ZDHHC14: variants seen among roughly 807,000 people sequenced by gnomAD.
ZDHHC14 encodes the protein palmitoyltransferase ZDHHC14.
A neutral mutation model predicts 47.7 loss-of-function variants in ZDHHC14; 16 were observed. That is an observed-to-expected ratio of 0.34 (90% CI 0.23 to 0.51). ZDHHC14 has a LOEUF of 0.51. Among genes scored for constraint, ZDHHC14 ranks in the 20% least tolerant of loss-of-function variants. ZDHHC14 has a pLI of 0.97. For synonymous variants in ZDHHC14, 293 were observed against 278.9 expected, an observed-to-expected ratio of 1.05 and a Z score of -0.50; for missense variants, 515 against 662.5, an observed-to-expected ratio of 0.78 and a Z score of 2.44.
chr6:157,507,003 A>G (rs1780343261), intron 1 of ZDHHC14, among the ~76,000 whole-genome samples: 1 of 152,060 alleles, frequency 6.6e-6, no homozygotes, highest in South Asian at 2.1e-4. Context: ...ATCTCCTGTG[A>G]CCCTGCCCCC....
At chr6:157,453,763 T>C (rs1260019197) in intron 1 of ZDHHC14, among the ~76,000 whole-genome samples, 1 of 150,158 alleles carries the variant, frequency 6.7e-6, no homozygotes, top group East Asian at 2.0e-4. Flanking sequence ...ATTTTATTCA[T>C]TCTAAGGCCA....
At chr6:157,569,046 GT>G (rs930996523) in intron 2 of ZDHHC14, among the ~76,000 whole-genome samples, 1 of 151,640 alleles carries the variant, frequency 6.6e-6, no homozygotes, top group East Asian at 1.9e-4. Context: ...TTTTTATGAA[GT>G]TTTTTTGACA....
At chr6:157,457,787 A>G (rs1778962767) in intron 1 of ZDHHC14, among the ~76,000 whole-genome samples, 1 of 152,168 alleles carries the variant, frequency 6.6e-6, no homozygotes, top group Non-Finnish European at 1.5e-5. Context: ...TCCACTGGCC[A>G]CTGCCTGGCC....
intron 1 of ZDHHC14, among the ~76,000 whole-genome samples, chr6:157,423,403 CTT>C (rs527753480): frequency 2.0e-5 from 3 of 151,928 alleles, no homozygotes; most frequent in African/African-American, 7.3e-5. Flanking sequence ...AAGACCTAGA[CTT>C]TTTTTTCTTA....
chr6:157,620,686 T>C (rs1785153887), intron 3 of ZDHHC14, among the ~76,000 whole-genome samples: 1 of 152,084 alleles, frequency 6.6e-6, no homozygotes, highest in Non-Finnish European at 1.5e-5. Context: ...GCAGGTCCCA[T>C]TGTGGCCACA....
chr6:157,489,435 GTT>G (rs149802681), intron 1 of ZDHHC14, among the ~76,000 whole-genome samples: 5 of 147,292 alleles, frequency 3.4e-5, no homozygotes, highest in South Asian at 2.2e-4. Flanking sequence ...TCTTTCAGTT[GTT>G]TTTTTTTTTG....
At chr6:157,495,297 A>G (rs1160453878) in intron 1 of ZDHHC14, among the ~76,000 whole-genome samples, 1 of 152,156 alleles carries the variant, frequency 6.6e-6, no homozygotes, top group Admixed American at 6.5e-5. Flanking sequence ...AGTTTCTAGA[A>G]TACAAGCCTT....
chr6:157,614,767 GT>G (rs574446811), intron 3 of ZDHHC14, among the ~76,000 whole-genome samples: 6 of 141,528 alleles, frequency 4.2e-5, no homozygotes, highest in East Asian at 4.0e-4. Flanking sequence ...AACTCTTCAT[GT>G]TTTTTTTTTG....
chr6:157,605,471 G>C (rs1290128276), intron 3 of ZDHHC14, among the ~76,000 whole-genome samples: 1 of 152,160 alleles, frequency 6.6e-6, no homozygotes, highest in Non-Finnish European at 1.5e-5. Context: ...TACATTTGGA[G>C]GAAGTCTTCC....
intron 1 of ZDHHC14, among the ~76,000 whole-genome samples, chr6:157,511,498 A>G (rs1780482948): frequency 6.7e-6 from 1 of 149,514 alleles, no homozygotes; most frequent in South Asian, 2.1e-4. Flanking sequence ...CTCCTGCCTC[A>G]GCCTCCCGAG....
intron 2 of ZDHHC14, among the ~76,000 whole-genome samples, chr6:157,563,942 C>A (rs144084798): frequency 3.2e-3 from 493 of 152,324 alleles, no homozygotes; most frequent in African/African-American, 0.011. Flanking sequence ...CTGAGTGGCT[C>A]CCTAAGGGGG....
rs144866654 is a variant in ZDHHC14 at position 157,418,216 on chromosome 6, A to G, written c.245+35950A>G. On this transcript the variant is annotated intron_variant, in intron 1 of 8. Coordinates refer to ENST00000359775, the MANE Select transcript of ZDHHC14 (RefSeq NM_024630.3). ...TGTCTTATGGCCCATTCTCAAACCC[A>G]TCAGAGGTCAGGGTGGAGTGTGTGT... Among the ~76,000 whole-genome samples the G allele has an allele frequency of 1.7e-3, 254 of 152,264 alleles. 2 individuals carry two copies. Among genetic ancestry groups the G allele is most frequent in the African/African-American group, 5.9e-3 (245 of 41,548 alleles).
chr6:157,472,753 C>A (rs532010644), intron 1 of ZDHHC14, among the ~76,000 whole-genome samples: 2 of 152,166 alleles, frequency 1.3e-5, no homozygotes, highest in Admixed American at 6.5e-5. Context: ...GGGAGAGGCA[C>A]TTCTGTGGTC....
At chr6:157,624,932 C>T (rs1435883513) in intron 3 of ZDHHC14, among the ~76,000 whole-genome samples, 3 of 152,192 alleles carry the variant, frequency 2.0e-5, no homozygotes, top group Non-Finnish European at 2.9e-5. Flanking sequence ...TCCACGGCCA[C>T]GGGGCCTACA....
intron 1 of ZDHHC14, among the ~76,000 whole-genome samples, chr6:157,417,396 C>T (rs1275289083): frequency 5.8e-5 from 4 of 68,404 alleles, no homozygotes; most frequent in East Asian, 3.1e-4. Flanking sequence ...CAACTAATCA[C>T]GTATCGTGGA....
chr6:157,523,412 C>A (rs1444205606), intron 1 of ZDHHC14, among the ~76,000 whole-genome samples: 1 of 151,936 alleles, frequency 6.6e-6, no homozygotes, highest in Non-Finnish European at 1.5e-5. Flanking sequence ...TTTTGTGTAT[C>A]CTCTTGAGGG....
intron 2 of ZDHHC14, among the ~76,000 whole-genome samples, chr6:157,585,233 A>G (rs971168375): frequency 4.6e-5 from 7 of 152,032 alleles, no homozygotes; most frequent in African/African-American, 1.7e-4. Context: ...AAATAAATAT[A>G]CTGACTCATA....
chr6:157,411,505 A>C (rs372785294), intron 1 of ZDHHC14, among the ~76,000 whole-genome samples: 1 of 152,208 alleles, frequency 6.6e-6, no homozygotes, highest in Non-Finnish European at 1.5e-5. Context: ...AGTCTAGCTC[A>C]TTGCCCTATG....
At chr6:157,559,802 T>C (rs1241170713) in intron 2 of ZDHHC14, among the ~76,000 whole-genome samples, 1 of 152,202 alleles carries the variant, frequency 6.6e-6, no homozygotes, top group African/African-American at 2.4e-5. Flanking sequence ...TTAGGAGCTG[T>C]CTTTCTACAT....
Sources: gnomAD v4.1 joint callset for allele counts (sites outside exome capture counted in the v4.1 genomes callset) on GRCh38, gnomAD v4.1.1 for gene constraint, MANE v1.5 for transcripts, NCBI Gene and HGNC (gene_info 2026-07-23, HGNC 2026-07-21) for gene names.